IL20RA: variants seen among roughly 807,000 people sequenced by gnomAD.
The protein encoded by IL20RA is interleukin-20 receptor subunit alpha.
In IL20RA, 29 loss-of-function variants were observed where a neutral mutation model predicts 36.5. The observed-to-expected ratio is 0.79, with a 90% confidence interval of 0.59 to 1.08. The LOEUF (loss-of-function observed/expected upper bound fraction) is 1.08, where lower values mean the gene tolerates loss of function less well. Ranked by LOEUF, IL20RA falls within the 50% of genes least tolerant of loss-of-function variation. IL20RA has a pLI of 0.00. For synonymous variants in IL20RA, 279 were observed against 267.1 expected, an observed-to-expected ratio of 1.04 and a Z score of -0.43; for missense variants, 652 against 668.4, an observed-to-expected ratio of 0.98 and a Z score of 0.27.
intron 1 of IL20RA, 146 bp downstream of exon 1, chr6:137,044,495 C>T: frequency 1.1e-6 from 1 of 892,144 alleles, no homozygotes; most frequent in African/African-American, 1.8e-5. Context: ...CTGGAAGCTC[C>T]GGCCTCCGCG....
Position 137,044,731 on chromosome 6 carries a change from G to A in IL20RA, c.-3C>T, listed in dbSNP as rs1776843924. The A allele has an allele frequency of 1.6e-6, 2 of 1,217,358 alleles. No homozygotes were observed. The highest frequency in any genetic ancestry group is 3.3e-5 in the East Asian group (1 of 30,224). The allele number at this position is 1,217,358 out of a possible 1,614,324, so 75.4% of individuals were successfully genotyped here. On this transcript the variant is annotated 5_prime_UTR_variant, in exon 1 of 7. Coordinates refer to ENST00000316649, the MANE Select transcript of IL20RA (RefSeq NM_014432.4). ...GCCGGGCGGCCGGGAGCCCGCATGG[G>A]CGGCGGGGCTGGGTCACATGTCGGG...
intron 1 of IL20RA, among the ~76,000 whole-genome samples, chr6:137,041,951 T>C (rs955144798): frequency 1.3e-5 from 2 of 152,162 alleles, no homozygotes; most frequent in Admixed American, 6.5e-5. Context: ...CTCCTAACGC[T>C]ATCCCTCCCC....
intron 3 of IL20RA, 64 bp downstream of exon 3, chr6:137,011,210 T>C: frequency 7.4e-7 from 1 of 1,353,150 alleles, no homozygotes; most frequent in Non-Finnish European, 1.0e-6. Flanking sequence ...TCTGTGAGGC[T>C]GAGACTGTTA....
At chr6:137,028,443 C>G (rs1340820295) in intron 1 of IL20RA, among the ~76,000 whole-genome samples, 1 of 147,254 alleles carries the variant, frequency 6.8e-6, no homozygotes, top group African/African-American at 2.5e-5. Context: ...AAGAAATTGA[C>G]AGAAAGCCCT....
intron 1 of IL20RA, among the ~76,000 whole-genome samples, chr6:137,021,152 A>T (rs901434614): frequency 6.6e-6 from 1 of 152,046 alleles, no homozygotes; most frequent in Admixed American, 6.6e-5. Flanking sequence ...TATTTTCAGA[A>T]ATGGATGCTT....
intron 1 of IL20RA, among the ~76,000 whole-genome samples, chr6:137,037,459 CA>C (rs1351401543): frequency 6.6e-6 from 1 of 152,104 alleles, no homozygotes; most frequent in Non-Finnish European, 1.5e-5. Context: ...CAAACAGAAA[CA>C]AAATCACCTC....
At chr6:137,038,388 T>G (rs1477275158) in intron 1 of IL20RA, among the ~76,000 whole-genome samples, 1 of 151,718 alleles carries the variant, frequency 6.6e-6, no homozygotes, top group East Asian at 1.9e-4. Context: ...AATTTTTTTG[T>G]AGAGATGGGG....
intron 3 of IL20RA, 88 bp downstream of exon 3, chr6:137,011,186 T>A (rs1323939631): frequency 2.7e-6 from 3 of 1,121,782 alleles, no homozygotes; most frequent in Non-Finnish European, 3.8e-6. Flanking sequence ...AGTACCTTCC[T>A]CTGGGCAAGG....
Position 137,033,938 on chromosome 6 carries a change from G to T in IL20RA, c.88+10703C>A, listed in dbSNP as rs182175850. 6.8e-4 allele frequency among the ~76,000 whole-genome samples: 103 copies of T among 152,254 alleles called. No individual in the cohort carries two copies. In the East Asian group the frequency reaches 7.7e-3, roughly 11 times the overall value. ...CACCTCCAGAAACAACTTGGATACT[G>T]GACCAGGCAAGACAGTTCCTTTGAT... On this transcript the variant is annotated intron_variant, in intron 1 of 6. Coordinates refer to ENST00000316649, the MANE Select transcript of IL20RA (RefSeq NM_014432.4).
At chr6:137,037,111 G>T (rs569457784) in intron 1 of IL20RA, among the ~76,000 whole-genome samples, 2 of 152,132 alleles carry the variant, frequency 1.3e-5, no homozygotes, top group Non-Finnish European at 2.9e-5. Flanking sequence ...AAGAAGCGGG[G>T]TGAAAAGTAT....
intron 1 of IL20RA, among the ~76,000 whole-genome samples, chr6:137,043,287 A>G (rs1361626947): frequency 6.6e-6 from 1 of 151,870 alleles, no homozygotes; most frequent in African/African-American, 2.4e-5. Flanking sequence ...TTTAGTATAG[A>G]CAGGGGTCTC....
chr6:137,039,740 A>C (rs1450768410), intron 1 of IL20RA, among the ~76,000 whole-genome samples: 1 of 152,170 alleles, frequency 6.6e-6, no homozygotes, highest in Admixed American at 6.5e-5. Flanking sequence ...GAAAGGAGGT[A>C]GTAGGGCTCA....
At chr6:137,033,304 CA>C (rs1227353048) in intron 1 of IL20RA, among the ~76,000 whole-genome samples, 3 of 152,212 alleles carry the variant, frequency 2.0e-5, no homozygotes, top group African/African-American at 7.2e-5. Context: ...GACACCAGTC[CA>C]CCCTAATTCT....
At position 137,002,263 on chromosome 6, in the gene IL20RA, A is replaced by C. The variant is rs1334018553; in HGVS notation, c.957T>G (p.Asp319Glu). ...TCATATCCTGATGAGAAATTTTAGA[A>C]TCATCCGAGATATTGAGGGTGATAA... Reference protein sequence around the residue: ...INFITLNISDDSKISHQDMSL... With the variant: ...INFITLNISDESKISHQDMSL... The change falls in exon 7 of 7, where the codon GAT becomes GAG. Residue 319 changes from aspartate to glutamate, a missense_variant. By Grantham distance (45) the Asp-to-Glu change is conservative (BLOSUM62 2). Transcript: ENST00000316649. 2 of 1,613,704 alleles carry C rather than the reference A, an allele frequency of 1.2e-6. No homozygotes were observed. Among genetic ancestry groups the C allele is most frequent in the Non-Finnish European group, 1.7e-6 (2 of 1,179,740 alleles).
At chr6:137,017,823 G>A (rs1775758408) in intron 1 of IL20RA, among the ~76,000 whole-genome samples, 3 of 152,096 alleles carry the variant, frequency 2.0e-5, no homozygotes, top group Admixed American at 1.3e-4. Flanking sequence ...TATCCTAGAG[G>A]ATTAATTTAC....
chr6:137,040,880 C>T (rs1776668895), intron 1 of IL20RA, among the ~76,000 whole-genome samples: 1 of 152,110 alleles, frequency 6.6e-6, no homozygotes, highest in African/African-American at 2.4e-5. Flanking sequence ...TGGGGATAAG[C>T]AGGATTTTTG....
chr6:137,041,495 A>G (rs1380860122), intron 1 of IL20RA, among the ~76,000 whole-genome samples: 1 of 152,186 alleles, frequency 6.6e-6, no homozygotes, highest in Non-Finnish European at 1.5e-5. Context: ...TTAAAAGTTA[A>G]AAAAAGAAAA....
At chr6:137,009,760 C>G (rs1046329382) in intron 3 of IL20RA, among the ~76,000 whole-genome samples, 3 of 152,038 alleles carry the variant, frequency 2.0e-5, no homozygotes, top group Non-Finnish European at 4.4e-5. Flanking sequence ...TGCCTGCCAA[C>G]ACACCCAGCT....
At chr6:137,006,835 C>T (rs558766538) in intron 5 of IL20RA, among the ~76,000 whole-genome samples, 1 of 152,108 alleles carries the variant, frequency 6.6e-6, no homozygotes, top group South Asian at 2.1e-4. Context: ...GTGATCCTCC[C>T]ATCTCAGCTT....
Sources: allele counts gnomAD v4.1 joint callset (sites outside exome capture counted in the v4.1 genomes callset), GRCh38; gene constraint gnomAD v4.1.1; transcripts MANE v1.5; gene names NCBI Gene and HGNC (gene_info 2026-07-23, HGNC 2026-07-21).